TRAPPC9: variants seen among roughly 807,000 people sequenced by gnomAD.
TRAPPC9 encodes IKK2 binding protein.
A neutral mutation model predicts 124.0 loss-of-function variants in TRAPPC9; 83 were observed. The observed-to-expected ratio is 0.67, with a 90% CI of 0.56 to 0.80. The LOEUF is 0.80. Among genes scored for constraint, TRAPPC9 ranks in the 30% least tolerant of loss-of-function variants. The probability of loss-of-function intolerance (pLI) is 0.00; values close to 1 mark genes in which losing one functional copy is unlikely to be tolerated. For synonymous variants in TRAPPC9, 638 were observed against 617.5 expected, an observed-to-expected ratio of 1.03 and a Z score of -0.49; for missense variants, 1,302 against 1,508.3, an observed-to-expected ratio of 0.86 and a Z score of 2.27.
rs578219906 is a variant in TRAPPC9 at position 140,378,882 on chromosome 8, G to T, written c.1135-7702C>A. On this transcript the variant is annotated intron_variant, in intron 7 of 22. Coordinates refer to ENST00000438773, the MANE Select transcript of TRAPPC9 (RefSeq NM_001160372.4). ...ACTGACTTTCAGAATTCCTGCTTTT[G>T]GGAAAAGGATTTCCTTTTCCTTTCT... 2.6e-5 allele frequency among the ~76,000 whole-genome samples: 4 copies of T among 152,088 alleles called. No individual in the cohort carries two copies. In the South Asian group the frequency reaches 8.3e-4, roughly 32 times the overall value.
intron 17 of TRAPPC9, among the ~76,000 whole-genome samples, chr8:140,059,108 C>T (rs1177443498): frequency 6.6e-6 from 1 of 152,206 alleles, no homozygotes; most frequent in Non-Finnish European, 1.5e-5. Flanking sequence ...CTAAACCTTC[C>T]TCCTGCCCCT....
At chr8:140,319,066 C>T (rs1317532631) in intron 9 of TRAPPC9, among the ~76,000 whole-genome samples, 1 of 151,832 alleles carries the variant, frequency 6.6e-6, no homozygotes, top group Non-Finnish European at 1.5e-5. Context: ...GATTCCTCAA[C>T]TTATGTCACT....
intron 17 of TRAPPC9, among the ~76,000 whole-genome samples, chr8:140,106,259 A>G (rs1777621401): frequency 6.6e-6 from 1 of 152,202 alleles, no homozygotes; most frequent in South Asian, 2.1e-4. Flanking sequence ...AATCAACACC[A>G]GGTTCGCATT....
At chr8:139,790,947 A>G (rs1441759077) in intron 21 of TRAPPC9, among the ~76,000 whole-genome samples, 2 of 151,738 alleles carry the variant, frequency 1.3e-5, no homozygotes, top group Non-Finnish European at 2.9e-5. Context: ...CTCCTTCTCT[A>G]TTGTGCCCGC....
chr8:139,917,167 C>CTTTTTTTTTTTTTTTT lies in TRAPPC9; in HGVS notation c.2811-6883_2811-6868dup, dbSNP rs71318317. Among the ~76,000 whole-genome samples, 142 of 99,930 alleles carry CTTTTTTTTTTTTTTTT rather than the reference C, an allele frequency of 1.4e-3. 2 individuals are homozygous for CTTTTTTTTTTTTTTTT. Among genetic ancestry groups the CTTTTTTTTTTTTTTTT allele is most frequent in the African/African-American group, 3.1e-3 (71 of 23,236 alleles). The allele number at this position is 99,930 out of a possible 152,430, so 65.6% of individuals were successfully genotyped here. On this transcript the variant is annotated intron_variant, in intron 19 of 22. Transcript: ENST00000438773. ...AGAAATCCTTCTTCATTATTATTTTCTTTTTTTTTTTTTTTTTTTTTGTTG... is the reference window on the plus strand; with the variant it reads ...AGAAATCCTTCTTCATTATTATTTTCTTTTTTTTTTTTTTTTTTTTTTTTTTTTTTTTTTTTTGTTG...
At chr8:139,931,812 G>A (rs1305956529) in intron 19 of TRAPPC9, 1 of 174,716 alleles carries the variant, frequency 5.7e-6, no homozygotes, top group Non-Finnish European at 1.2e-5. Flanking sequence ...AAGAGGAAGG[G>A]AAACACGAAC....
rs145607512 is a variant in TRAPPC9 at position 139,988,740 on chromosome 8, G to A, written c.2796C>T (p.Ala932=). Residue 932 remains alanine (A), a synonymous_variant, in exon 19 of 23, where the codon GCC becomes GCT. Transcript: ENST00000438773. ...GGGACACTTACCGCTGGCACTCACC[G>A]GCGTGCAGGATGAGTGCCTCGCTGC... ...TRSSEALILH[A]GECQRMAIQV... The A allele has an allele frequency of 3.7e-4, 569 of 1,549,832 alleles. 1 individual carries two copies. Among genetic ancestry groups the A allele is most frequent in the Middle Eastern group, 7.1e-4 (4 of 5,604 alleles).
chr8:139,856,815 G>A (rs1427996155), intron 21 of TRAPPC9, among the ~76,000 whole-genome samples: 1 of 151,810 alleles, frequency 6.6e-6, no homozygotes, highest in African/African-American at 2.4e-5. Flanking sequence ...GAGGTGGAAG[G>A]AGAACGTGCT....
chr8:140,410,759 CGT>C (rs1224280683), intron 5 of TRAPPC9, among the ~76,000 whole-genome samples: 2 of 151,516 alleles, frequency 1.3e-5, no homozygotes, highest in Non-Finnish European at 2.9e-5. Context: ...AGGAGAATGG[CGT>C]GAACACAGGA....
intron 17 of TRAPPC9, among the ~76,000 whole-genome samples, chr8:140,129,902 C>T (rs1471308348): frequency 2.6e-5 from 4 of 152,274 alleles, no homozygotes; most frequent in East Asian, 1.9e-4. Context: ...ACTGAGAGGG[C>T]CTGAAAGCAG....
chr8:140,432,187 C>T (rs1409180233), intron 4 of TRAPPC9, among the ~76,000 whole-genome samples: 1 of 151,830 alleles, frequency 6.6e-6, no homozygotes. Flanking sequence ...AAAGGTCTTT[C>T]CAGGTTGCTG....
intron 17 of TRAPPC9, among the ~76,000 whole-genome samples, chr8:140,144,395 G>A (rs964828043): frequency 1.3e-5 from 2 of 152,146 alleles, no homozygotes; most frequent in Non-Finnish European, 2.9e-5. Context: ...ATAAAGTCTT[G>A]TACACGTCAT....
At chr8:139,983,569 C>G (rs181553162) in intron 19 of TRAPPC9, among the ~76,000 whole-genome samples, 1 of 152,268 alleles carries the variant, frequency 6.6e-6, no homozygotes, top group East Asian at 1.9e-4. Flanking sequence ...TCACTCCCAG[C>G]AGGGCCTGGC....
At position 140,434,736 on chromosome 8, in the gene TRAPPC9, C is replaced by T. The variant is rs182312645; in HGVS notation, c.859+376G>A. Among the ~76,000 whole-genome samples the T allele has an allele frequency of 5.9e-4, 89 of 152,124 alleles. No individual in the cohort carries two copies. In the East Asian group the frequency reaches 0.016, roughly 27 times the overall value. ...CTGTAATCCCAGCACTTTGGGAGGC[C>T]GAGGCGGGTGGATCACGAGGTCAAG... On this transcript the variant is annotated intron_variant, in intron 4 of 22. Coordinates refer to ENST00000438773, the MANE Select transcript of TRAPPC9 (RefSeq NM_001160372.4).
chr8:140,047,097 C>T (rs894292613), intron 17 of TRAPPC9, among the ~76,000 whole-genome samples: 2 of 152,216 alleles, frequency 1.3e-5, no homozygotes, highest in Non-Finnish European at 2.9e-5. Context: ...AGATTCTAGC[C>T]CAACCCTGCC....
In TRAPPC9 at chr8:139,980,835, A is replaced by G. The variant is rs146397914; in HGVS notation, c.2810+7891T>C. ...GCGTGGGAGGAGCCACACGCCCCCC[A>G]CCTTCCACGCGCTAGGAAAGGCTCC... On this transcript the variant is annotated intron_variant, in intron 19 of 22. Transcript: ENST00000438773. 3.8e-4 allele frequency among the ~76,000 whole-genome samples: 58 copies of G among 152,196 alleles called. 1 individual carries two copies. The East Asian group carries it at 0.011, about 28-fold the overall frequency.
chr8:140,276,729 C>T (rs771985461), intron 14 of TRAPPC9, among the ~76,000 whole-genome samples: 16 of 152,080 alleles, frequency 1.1e-4, no homozygotes, highest in Non-Finnish European at 1.6e-4. Context: ...AGGCATGTGA[C>T]AGGTGAGGTT....
chr8:139,732,800 A>T (rs1334534077), intron 21 of TRAPPC9, among the ~76,000 whole-genome samples: 1 of 152,218 alleles, frequency 6.6e-6, no homozygotes, highest in Non-Finnish European at 1.5e-5. Context: ...AGCTCAGCAC[A>T]GAACAGGTGC....
intron 17 of TRAPPC9, among the ~76,000 whole-genome samples, chr8:140,124,251 G>A (rs1312600949): frequency 6.6e-6 from 1 of 152,146 alleles, no homozygotes; most frequent in African/African-American, 2.4e-5. Context: ...GGGGTAGGGT[G>A]CAGGGGGGGC....
Sources: gnomAD v4.1 joint callset for allele counts (sites outside exome capture counted in the v4.1 genomes callset) on GRCh38, gnomAD v4.1.1 for gene constraint, MANE v1.5 for transcripts, NCBI Gene and HGNC (gene_info 2026-07-23, HGNC 2026-07-21) for gene names.